CLCN3: variants seen among roughly 807,000 people sequenced by gnomAD.
CLCN3 encodes the protein Cl-/H+ antiporter 3.
In CLCN3, 16 loss-of-function variants were observed where a neutral mutation model predicts 83.4. The ratio of observed to expected loss-of-function variants is 0.19; its 90% CI spans 0.13 to 0.29. The LOEUF is 0.29. CLCN3 is among the 10% of genes least tolerant of loss of function. CLCN3 has a pLI of 1.00. For synonymous variants in CLCN3, 322 were observed against 346.2 expected (o/e 0.93, Z 0.78); for missense variants, 544 against 1,006.0 (o/e 0.54, Z 6.21).
chr4:169,643,575 C>T (rs1730484851), intron 2 of CLCN3, among the ~76,000 whole-genome samples: 1 of 152,016 alleles, frequency 6.6e-6, no homozygotes. Context: ...TTCTGTCATC[C>T]AGGCTGGGGT....
chr4:169,701,241 A>G (rs565708324), intron 9 of CLCN3, among the ~76,000 whole-genome samples: 2 of 152,352 alleles, frequency 1.3e-5, no homozygotes, highest in Admixed American at 1.3e-4. Context: ...TTCTTTGCTC[A>G]TCCATAAGAA....
At chr4:169,682,506 C>T (rs1731984134) in intron 3 of CLCN3, among the ~76,000 whole-genome samples, 1 of 152,178 alleles carries the variant, frequency 6.6e-6, no homozygotes, top group Admixed American at 6.5e-5. Flanking sequence ...AAATGGCATT[C>T]CATGTAAGAA....
intron 2 of CLCN3, among the ~76,000 whole-genome samples, chr4:169,637,931 T>C (rs1581193943): frequency 6.6e-6 from 1 of 152,206 alleles, no homozygotes; most frequent in Non-Finnish European, 1.5e-5. Flanking sequence ...TTCTGGACTT[T>C]CTACTGTGTT....
In CLCN3 at chr4:169,720,526, T is replaced by TTC. The variant is rs33952411; in HGVS notation, c.*561_*562dup. ...TTCTACATTCCAGAAGAGCCTTTAT[T>TTC]TCTCTCTCTCTCTCTCTCTCTCTCT... On this transcript the variant is annotated 3_prime_UTR_variant, in exon 13 of 13. Transcript: ENST00000513761. 1,648 of 146,920 alleles carry TTC rather than the reference T, an allele frequency of 0.011. 17 individuals carry two copies. The highest frequency in any genetic ancestry group is 0.019 in the African/African-American group (743 of 39,944). 9.1% of individuals were successfully genotyped at this position (146,920 alleles called of 1,614,324 possible).
intron 12 of CLCN3, among the ~76,000 whole-genome samples, chr4:169,716,451 T>G (rs973771381): frequency 1.3e-5 from 2 of 152,178 alleles, no homozygotes; most frequent in Non-Finnish European, 2.9e-5. Flanking sequence ...GTATTATATT[T>G]AATTAATTGC....
intron 6 of CLCN3, 136 bp downstream of exon 6, chr4:169,690,788 A>G (rs1233589800): frequency 1.5e-6 from 1 of 660,348 alleles, no homozygotes; most frequent in Non-Finnish European, 2.4e-6. Flanking sequence ...TTTTTTAAGT[A>G]TAAGCTGATG....
At chr4:169,633,994 A>G (rs1390925614) in intron 1 of CLCN3, among the ~76,000 whole-genome samples, 1 of 152,046 alleles carries the variant, frequency 6.6e-6, no homozygotes, top group African/African-American at 2.4e-5. Flanking sequence ...TTATAGAAAT[A>G]GAAACCCATG....
intron 2 of CLCN3, chr4:169,642,571 C>T (rs1730447286): frequency 6.6e-6 from 1 of 152,120 alleles, no homozygotes; most frequent in Non-Finnish European, 1.5e-5. Flanking sequence ...CTCTGTCACA[C>T]CCAGTGGCAC....
intron 2 of CLCN3, among the ~76,000 whole-genome samples, chr4:169,659,235 G>A (rs1730972500): frequency 6.6e-6 from 1 of 152,160 alleles, no homozygotes; most frequent in African/African-American, 2.4e-5. Context: ...CTCAGAGGTA[G>A]CTATAAAATA....
intron 9 of CLCN3, among the ~76,000 whole-genome samples, chr4:169,699,074 C>T (rs969197900): frequency 1.3e-5 from 2 of 152,192 alleles, no homozygotes; most frequent in African/African-American, 2.4e-5. Flanking sequence ...CTTTCTGCCA[C>T]CTTGATTCCT....
At chr4:169,714,889 A>G (rs1275692767) in intron 12 of CLCN3, among the ~76,000 whole-genome samples, 28 of 152,124 alleles carry the variant, frequency 1.8e-4, no homozygotes, top group Non-Finnish European at 4.0e-4. Flanking sequence ...GTCTTTGTGT[A>G]ATATTGTTTG....
At chr4:169,660,503 G>C in intron 2 of CLCN3, 1 of 1,227,824 alleles carries the variant, frequency 8.1e-7, no homozygotes, top group Non-Finnish European at 1.0e-6. Flanking sequence ...CATGCGGCTG[G>C]GCGGTCCTCT....
At chr4:169,698,922 G>A (rs892487247) in intron 9 of CLCN3, among the ~76,000 whole-genome samples, 2 of 152,196 alleles carry the variant, frequency 1.3e-5, no homozygotes, top group African/African-American at 4.8e-5. Flanking sequence ...AGCTGGTCAA[G>A]TCTTTCTCTT....
intron 11 of CLCN3, among the ~76,000 whole-genome samples, chr4:169,710,574 T>C (rs1035893667): frequency 2.0e-5 from 3 of 152,222 alleles, no homozygotes; most frequent in African/African-American, 7.2e-5. Flanking sequence ...CGAAAAGTGT[T>C]ATTTTTTTAA....
At chr4:169,647,471 TGA>T (rs987144990) in intron 2 of CLCN3, among the ~76,000 whole-genome samples, 9 of 152,092 alleles carry the variant, frequency 5.9e-5, no homozygotes, top group Admixed American at 1.3e-4. Context: ...AGTCTAGGAC[TGA>T]GAGAGTAGAA....
intron 2 of CLCN3, among the ~76,000 whole-genome samples, chr4:169,656,521 G>A (rs1470089488): frequency 6.6e-6 from 1 of 152,096 alleles, no homozygotes; most frequent in Non-Finnish European, 1.5e-5. Flanking sequence ...CTCCAACATT[G>A]GGGATTACAA....
At position 169,692,049 on chromosome 4, in the gene CLCN3, C is replaced by T; in HGVS notation, c.730-65C>T. 4.8e-6 allele frequency: 5 copies of T among 1,045,430 alleles called. No individual in the cohort carries two copies. In the South Asian group the frequency reaches 7.5e-5, roughly 16 times the overall value. 64.8% of individuals were successfully genotyped at this position (1,045,430 alleles called of 1,614,324 possible). On this transcript the variant is annotated intron_variant, in intron 6 of 12. Coordinates refer to ENST00000513761, the MANE Select transcript of CLCN3 (RefSeq NM_001829.4). Reference sequence around the variant, plus strand: ...TTTTGTGCATAAAACAAGAAAATAACTTGGATTCGTTACATTCTCATGTTT... The same window carrying T: ...TTTTGTGCATAAAACAAGAAAATAATTTGGATTCGTTACATTCTCATGTTT...
chr4:169,658,449 G>C (rs998649321), intron 2 of CLCN3, among the ~76,000 whole-genome samples: 4 of 151,970 alleles, frequency 2.6e-5, no homozygotes, highest in Non-Finnish European at 5.9e-5. Context: ...GGGAAAACTT[G>C]TGGATAGATT....
chr4:169,633,949 G>T (rs1773443579), intron 1 of CLCN3, among the ~76,000 whole-genome samples: 1 of 33,186 alleles, frequency 3.0e-5, no homozygotes, highest in East Asian at 1.1e-3. Context: ...TTAATACGTG[G>T]AATAGTTTTT....
Sources: allele counts gnomAD v4.1 joint callset (sites outside exome capture counted in the v4.1 genomes callset), GRCh38; gene constraint gnomAD v4.1.1; transcripts MANE v1.5; gene names NCBI Gene and HGNC (gene_info 2026-07-23, HGNC 2026-07-21).